FYB2: variants seen among roughly 807,000 people sequenced by gnomAD.
The protein encoded by FYB2 is FYN-binding protein 2.
FYB2 carries 103 observed loss-of-function variants against 94.1 expected under a neutral mutation model. That is an observed-to-expected ratio of 1.09 (90% CI 0.93 to 1.29). The LOEUF (loss-of-function observed/expected upper bound fraction) is 1.29. Ranked by LOEUF, FYB2 falls within the 50% of genes most tolerant of loss-of-function variation. The probability of loss-of-function intolerance (pLI) is 0.00; values close to 1 mark genes in which losing one functional copy is unlikely to be tolerated. For synonymous variants in FYB2, 293 were observed against 287.9 expected, an observed-to-expected ratio of 1.02 and a Z score of -0.18; for missense variants, 896 against 841.5, an observed-to-expected ratio of 1.06 and a Z score of -0.80.
At chr1:56,813,804 T>C (rs1646820427) in intron 1 of FYB2, among the ~76,000 whole-genome samples, 1 of 152,232 alleles carries the variant, frequency 6.6e-6, no homozygotes, top group Admixed American at 6.5e-5. Flanking sequence ...AATGTTAAGA[T>C]ATAGGTACTA....
At chr1:56,793,501 CACTT>C (rs1167440198) in intron 1 of FYB2, among the ~76,000 whole-genome samples, 1 of 152,110 alleles carries the variant, frequency 6.6e-6, no homozygotes, top group African/African-American at 2.4e-5. Flanking sequence ...TGCATGTTCT[CACTT>C]ACAAGTAGGA....
chr1:56,737,251 C>T, intron 14 of FYB2, 104 bp from the exon 15 acceptor site: 1 of 804,514 alleles, frequency 1.2e-6, no homozygotes. Flanking sequence ...GGTGCATCTT[C>T]AGGTCTGTTT....
chr1:56,731,525 A>C (rs1250456515), intron 15 of FYB2, among the ~76,000 whole-genome samples: 2 of 151,952 alleles, frequency 1.3e-5, no homozygotes, highest in Admixed American at 6.6e-5. Flanking sequence ...CTGTGATAGA[A>C]AGGGAAGTAT....
At chr1:56,804,742 A>C (rs1450260423) in intron 1 of FYB2, among the ~76,000 whole-genome samples, 2 of 100,458 alleles carry the variant, frequency 2.0e-5, no homozygotes, top group African/African-American at 2.7e-5. Context: ...TAAATAAATA[A>C]ATAAATACAT....
At chr1:56,779,196 G>A (rs1170372435) in intron 4 of FYB2, among the ~76,000 whole-genome samples, 1 of 152,100 alleles carries the variant, frequency 6.6e-6, no homozygotes, top group Non-Finnish European at 1.5e-5. Flanking sequence ...GTATAAGGAA[G>A]CATATTCTTG....
At chr1:56,741,576 C>T (rs1313232297) in intron 12 of FYB2, among the ~76,000 whole-genome samples, 1 of 151,976 alleles carries the variant, frequency 6.6e-6, no homozygotes, top group Non-Finnish European at 1.5e-5. Flanking sequence ...AGTTCAGGGT[C>T]TTTTTCCCCT....
chr1:56,748,721 G>C (rs1168899489), intron 9 of FYB2, among the ~76,000 whole-genome samples: 1 of 151,910 alleles, frequency 6.6e-6, no homozygotes, highest in East Asian at 1.9e-4. Flanking sequence ...TAAGCACTAT[G>C]AATGTTCAAT....
At chr1:56,733,266 TG>T (rs1409303367) in intron 15 of FYB2, among the ~76,000 whole-genome samples, 4 of 152,106 alleles carry the variant, frequency 2.6e-5, no homozygotes, top group African/African-American at 7.2e-5. Flanking sequence ...TCTGTGGGAT[TG>T]GTGGTGATAT....
At chr1:56,808,021 G>T (rs1054331922) in intron 1 of FYB2, among the ~76,000 whole-genome samples, 13 of 152,150 alleles carry the variant, frequency 8.5e-5, no homozygotes, top group Non-Finnish European at 1.3e-4. Context: ...TACTGGTGTT[G>T]TCAAAGTTTG....
intron 1 of FYB2, among the ~76,000 whole-genome samples, chr1:56,802,628 G>A (rs1646548145): frequency 6.6e-6 from 1 of 152,162 alleles, no homozygotes; most frequent in African/African-American, 2.4e-5. Context: ...AAGAAAGAAA[G>A]CCATTATTCT....
intron 8 of FYB2, among the ~76,000 whole-genome samples, chr1:56,752,023 G>T (rs535433475): frequency 1.3e-5 from 2 of 152,004 alleles, no homozygotes; most frequent in South Asian, 4.2e-4. Flanking sequence ...AGGAGTATCT[G>T]GCAGATAAAT....
chr1:56,768,342 T>C (rs1312219501), intron 4 of FYB2, among the ~76,000 whole-genome samples: 1 of 152,184 alleles, frequency 6.6e-6, no homozygotes, highest in Non-Finnish European at 1.5e-5. Context: ...ATAAGCCTCA[T>C]CTGAATAGGA....
chr1:56,785,495 A>T (rs1646113635), intron 4 of FYB2, among the ~76,000 whole-genome samples: 1 of 152,166 alleles, frequency 6.6e-6, no homozygotes, highest in Non-Finnish European at 1.5e-5. Context: ...TTGTGCTGTC[A>T]TTTAACTCTT....
At chr1:56,789,368 A>T (rs2100954203) in intron 2 of FYB2, among the ~76,000 whole-genome samples, 1 of 152,194 alleles carries the variant, frequency 6.6e-6, no homozygotes, top group South Asian at 2.1e-4. Context: ...CACAGCACCC[A>T]TCTGTGTTTC....
chr1:56,806,288 T>A (rs1219588820), intron 1 of FYB2, among the ~76,000 whole-genome samples: 1 of 152,090 alleles, frequency 6.6e-6, no homozygotes, highest in East Asian at 1.9e-4. Context: ...GAGACAGACA[T>A]AAAGAACAAA....
chr1:56,824,361 C>A (rs1054312192), upstream of FYB2: 5 of 152,248 alleles, frequency 3.3e-5, no homozygotes, highest in East Asian at 9.7e-4. Flanking sequence ...TCAAAAAGGC[C>A]CAGCTAGTTC....
chr1:56,804,761 A>C (rs753961131), intron 1 of FYB2, among the ~76,000 whole-genome samples: 12 of 144,932 alleles, frequency 8.3e-5, no homozygotes, highest in Middle Eastern at 3.7e-3. Flanking sequence ...ATAAATAAAT[A>C]AATAAAGTGC....
Position 56,744,388 on chromosome 1 carries a change from A to T in FYB2, c.1388-122T>A, listed in dbSNP as rs1444633231. On this transcript the variant is annotated intron_variant, in intron 9 of 19. Coordinates refer to ENST00000343433, the MANE Select transcript of FYB2 (RefSeq NM_001004303.5). ...GGCAGATTAAATGGGCTAAAATTGG[A>T]TTACAGTCTTGGTATGTATGATCCT... The T allele has an allele frequency of 1.6e-5, 11 of 702,922 alleles. No homozygotes were observed. The Admixed American group carries it at 1.7e-4, about 11-fold the overall frequency. The allele number at this position is 702,922 out of a possible 1,614,324, so 43.5% of individuals were successfully genotyped here. A position where few individuals can be genotyped will look rare whatever the true frequency, so the allele number is the denominator to read the frequency against.
intron 5 of FYB2, among the ~76,000 whole-genome samples, chr1:56,765,979 G>A (rs754734551): frequency 6.6e-6 from 1 of 152,132 alleles, no homozygotes; most frequent in Non-Finnish European, 1.5e-5. Flanking sequence ...GCATCACGTG[G>A]TCCAGAGAGA....
Sources: allele counts gnomAD v4.1 joint callset (sites outside exome capture counted in the v4.1 genomes callset), GRCh38; gene constraint gnomAD v4.1.1; transcripts MANE v1.5; gene names NCBI Gene and HGNC (gene_info 2026-07-23, HGNC 2026-07-21).